The following YLPM1 variants were observed in gnomAD, a reference collection of about 807,000 sequenced individuals.
YLPM1 encodes YLP motif containing 1.
Under a neutral mutation model 230.0 loss-of-function variants are expected in YLPM1, and 99 were observed. The observed-to-expected ratio is 0.43, with a 90% CI of 0.37 to 0.51. The LOEUF (loss-of-function observed/expected upper bound fraction) is 0.51, where lower values mean the gene tolerates loss of function less well. Ranked by LOEUF, YLPM1 falls within the 20% of genes least tolerant of loss-of-function variation. YLPM1 has a pLI of 0.00. For synonymous variants in YLPM1, 984 were observed against 942.5 expected (o/e 1.04, Z -0.81); for missense variants, 2,592 against 2,707.7 (o/e 0.96, Z 0.95).
chr14:74,825,492 A>C (rs572456723), intron 18 of YLPM1, among the ~76,000 whole-genome samples: 12 of 152,236 alleles, frequency 7.9e-5, no homozygotes, highest in African/African-American at 2.9e-4. Flanking sequence ...ATAATAACCA[A>C]TTGTCATCTT....
rs1235319644 is a variant in YLPM1, at chr14:74,763,740, C to T, written c.251C>T (p.Pro84Leu). The change falls in exon 1 of 21, where the codon CCC becomes CTC. Residue 84 changes from proline (P) to leucine (L), a missense_variant. By Grantham distance (98) the Pro-to-Leu change is moderately conservative. Transcript: ENST00000325680. ...CVLQPHHLPP[P>L]PLPPPPVMPG... Reference sequence around the variant, plus strand: ...CTTCAGCCCCACCACCTTCCTCCGCCCCCTCTGCCGCCCCCGCCAGTGATG... The same window carrying T: ...CTTCAGCCCCACCACCTTCCTCCGCTCCCTCTGCCGCCCCCGCCAGTGATG... 19 of 1,513,256 alleles carry T rather than the reference C, an allele frequency of 1.3e-5. No homozygotes were observed. In the South Asian group the frequency reaches 2.0e-4, roughly 16 times the overall value. The allele number at this position is 1,513,256 out of a possible 1,614,324, so 93.7% of individuals were successfully genotyped here. A position where few individuals can be genotyped will look rare whatever the true frequency, so the allele number is the denominator to read the frequency against.
chr14:74,835,067 G>A, intron 19 of YLPM1, 198 bp from the exon 20 acceptor site: 1 of 596,220 alleles, frequency 1.7e-6, no homozygotes. Context: ...GGAATGGTTA[G>A]GACTTGGATT....
At chr14:74,793,249 A>G (rs1282814757) in intron 4 of YLPM1, among the ~76,000 whole-genome samples, 1 of 151,900 alleles carries the variant, frequency 6.6e-6, no homozygotes, top group Non-Finnish European at 1.5e-5. Context: ...TCTTTGTGCT[A>G]TTTCTTCATT....
At position 74,798,922 on chromosome 14, in the gene YLPM1, A is replaced by C; in HGVS notation, c.3625A>C (p.Arg1209=). 1.2e-6 allele frequency: 2 copies of C among 1,613,960 alleles called. No homozygotes were observed. Among genetic ancestry groups the C allele is most frequent in the Non-Finnish European group, 1.7e-6 (2 of 1,179,866 alleles). Residue 1209 remains arginine, a synonymous_variant, in exon 5 of 21, where the codon AGA becomes CGA. Coordinates refer to ENST00000325680, the MANE Select transcript of YLPM1 (RefSeq NM_019589.3). ...GCATGAAGAGTTTCCATTAGATGGT[A>C]GAAATGCTCCAATGGAACGAGAAAG... ...RGHEEFPLDG[R]NAPMERERLD... is the part of the protein sequence containing the mutation.
intron 19 of YLPM1, among the ~76,000 whole-genome samples, chr14:74,829,650 T>C (rs943422911): frequency 6.6e-6 from 1 of 152,132 alleles, no homozygotes; most frequent in Non-Finnish European, 1.5e-5. Flanking sequence ...AGTAGGGTAT[T>C]GAAGAGAACC....
In YLPM1 at chr14:74,798,636, A is replaced by G; in HGVS notation, c.3339A>G (p.Pro1113=). Reference sequence around the variant, plus strand: ...CAGCTGGCAGCCGAGAAAGGGGACCACCTCGGAGGGCTGGCAGTCAGGAGA... The same window carrying G: ...CAGCTGGCAGCCGAGAAAGGGGACCGCCTCGGAGGGCTGGCAGTCAGGAGA... ...RGAAGSRERG[P]PRRAGSQERG... Residue 1113 remains proline (P), a synonymous_variant, in exon 5 of 21, where the codon CCA becomes CCG. Coordinates refer to ENST00000325680, the MANE Select transcript of YLPM1 (RefSeq NM_019589.3). 1.9e-6 allele frequency: 3 copies of G among 1,611,594 alleles called. No homozygotes were observed. The highest frequency in any genetic ancestry group is 1.7e-6 in the Non-Finnish European group (2 of 1,178,462).
At chr14:74,808,099 T>A (rs1173225468) in intron 6 of YLPM1, among the ~76,000 whole-genome samples, 2 of 152,224 alleles carry the variant, frequency 1.3e-5, no homozygotes, top group African/African-American at 2.4e-5. Context: ...TATGGAAATT[T>A]TAAAACGTTT....
intron 6 of YLPM1, among the ~76,000 whole-genome samples, chr14:74,808,415 G>A (rs1486630116): frequency 1.3e-5 from 2 of 152,036 alleles, no homozygotes; most frequent in Non-Finnish European, 2.9e-5. Flanking sequence ...TGAATAGTAC[G>A]GCTATGAATG....
Position 74,799,386 on chromosome 14 carries a change from A to AT in YLPM1, c.4089_4090insT (p.Asp1364Ter), listed in dbSNP as rs2091301982. The AT allele has an allele frequency of 6.2e-7, 1 of 1,613,884 alleles. No individual in the cohort carries two copies. Among genetic ancestry groups the AT allele is most frequent in the Non-Finnish European group, 8.5e-7 (1 of 1,179,882 alleles). On this transcript the variant is annotated frameshift_variant, in exon 5 of 21. Coordinates refer to ENST00000325680, the MANE Select transcript of YLPM1 (RefSeq NM_019589.3). LOFTEE classifies it high-confidence loss of function. ...GAAATCGAGAGCATGGGTATGATCG[A>AT]GATTTCCGTGATAGGGGTGAGTTGA...
chr14:74,822,464 T>G (rs1485681490), intron 17 of YLPM1, among the ~76,000 whole-genome samples: 1 of 152,146 alleles, frequency 6.6e-6, no homozygotes, highest in East Asian at 1.9e-4. Flanking sequence ...TACATCAGAG[T>G]CATGGCAAGG....
At chr14:74,817,645 A>G (rs1206550378) in intron 15 of YLPM1, among the ~76,000 whole-genome samples, 1 of 152,156 alleles carries the variant, frequency 6.6e-6, no homozygotes, top group Non-Finnish European at 1.5e-5. Context: ...TATTATCTGT[A>G]TCAGCACTCT....
intron 18 of YLPM1, among the ~76,000 whole-genome samples, chr14:74,824,701 T>C (rs111794087): frequency 1.4e-4 from 22 of 152,102 alleles, no homozygotes; most frequent in African/African-American, 3.6e-4. Flanking sequence ...TAATATAAAG[T>C]TTAAAATTAA....
At position 74,816,925 on chromosome 14, in the gene YLPM1, C is replaced by T; in HGVS notation, c.5686-6C>T. 1 of 1,556,864 alleles carries T rather than the reference C, an allele frequency of 6.4e-7. No homozygotes were observed. Among genetic ancestry groups the T allele is most frequent in the Non-Finnish European group, 8.6e-7 (1 of 1,157,392 alleles). On this transcript the variant is annotated splice_polypyrimidine_tract_variant and splice_region_variant and intron_variant, in intron 13 of 20. Transcript: ENST00000325680. ...CTAATTCCATATCTCTTTTGGGGGA[C>T]CTTAGGTAATGGAATATGAATATGA...
chr14:74,814,644 C>T (rs577663298), intron 11 of YLPM1, among the ~76,000 whole-genome samples: 5 of 152,180 alleles, frequency 3.3e-5, no homozygotes, highest in Admixed American at 6.5e-5. Context: ...TTGCTGGATT[C>T]AGCTTGCTAA....
Position 74,763,520 on chromosome 14 carries a change from A to T in YLPM1, c.31A>T (p.Ser11Cys). 1 of 1,476,440 alleles carries T rather than the reference A, an allele frequency of 6.8e-7. No individual in the cohort carries two copies. Among genetic ancestry groups the T allele is most frequent in the Non-Finnish European group, 9.0e-7 (1 of 1,112,960 alleles). 91.5% of individuals were successfully genotyped at this position (1,476,440 alleles called of 1,614,324 possible). A position where few individuals can be genotyped will look rare whatever the true frequency, so the allele number is the denominator to read the frequency against. The change falls in exon 1 of 21, where the codon AGC becomes TGC. Residue 11 changes from serine to cysteine, a missense_variant. By Grantham distance (112) the Ser-to-Cys change is moderately radical (BLOSUM62 -1). Coordinates refer to ENST00000325680, the MANE Select transcript of YLPM1 (RefSeq NM_019589.3). MYPNWGRYGGSSHYPPPPVPP... is the reference protein window; with the variant it reads MYPNWGRYGGCSHYPPPPVPP... ...CCCGAATTGGGGCCGGTATGGCGGG[A>T]GCAGCCACTATCCGCCGCCACCGGT...
chr14:74,778,621 G>A lies in YLPM1; in HGVS notation c.1048G>A (p.Glu350Lys). 1 of 1,595,436 alleles carries A rather than the reference G, an allele frequency of 6.3e-7. No individual in the cohort carries two copies. The highest frequency in any genetic ancestry group is 8.5e-7 in the Non-Finnish European group (1 of 1,171,446). The change falls in exon 2 of 21, where the codon GAG becomes AAG. Residue 350 changes from glutamate to lysine, a missense_variant. This residue lies in a region of YLPM1 where 1,862 missense variants were observed against 1,819.8 expected (regional missense o/e 1.02). Transcript: ENST00000325680. ...SQVPESPSSE[E>K]PPLPPPNEEV... ...AGTTCCAGAATCTCCTTCTTCTGAG[G>A]AGCCCCCATTGCCACCTCCAAATGA... is the stretch of plus-strand genomic sequence containing the variant.
intron 9 of YLPM1, among the ~76,000 whole-genome samples, 177 bp from the exon 10 acceptor site, chr14:74,811,443 A>G (rs1481092047): frequency 6.6e-6 from 1 of 152,008 alleles, no homozygotes; most frequent in African/African-American, 2.4e-5. Flanking sequence ...AGATCACGCC[A>G]CTGCATTCCA....
chr14:74,834,960 T>G, intron 19 of YLPM1: 1 of 252,498 alleles, frequency 4.0e-6, no homozygotes. Flanking sequence ...GTGCTTTGCT[T>G]TCAGGTGAAA....
intron 1 of YLPM1, among the ~76,000 whole-genome samples, chr14:74,773,387 A>G (rs12891131): frequency 0.48 from 72,715 of 152,142 alleles, 17,788 homozygotes; most frequent in Non-Finnish European, 0.54. Context: ...TGGATCTAAG[A>G]CAAAGCATGA....
Sources: allele counts gnomAD v4.1 joint callset (sites outside exome capture counted in the v4.1 genomes callset), GRCh38; gene constraint gnomAD v4.1.1; regional missense constraint gnomAD v4.1.1; transcripts MANE v1.5; gene names NCBI Gene and HGNC (gene_info 2026-07-23, HGNC 2026-07-21).